The following RELN variants were observed in gnomAD, a reference collection of about 807,000 sequenced individuals.
RELN encodes the protein reelin.
Under a neutral mutation model 427.6 loss-of-function variants are expected in RELN, and 108 were observed. The observed-to-expected ratio is 0.25, with a 90% confidence interval of 0.22 to 0.30. The LOEUF is 0.30. Among genes scored for constraint, RELN ranks in the 10% least tolerant of loss-of-function variants. The pLI is 1.00. For missense variants in RELN, 3,715 were observed against 4,302.8 expected, an observed-to-expected ratio of 0.86 and a Z score of 3.82; for synonymous variants, 1,524 against 1,513.4, an observed-to-expected ratio of 1.01 and a Z score of -0.16.
At chr7:103,773,967 A>C (rs112842331) in intron 4 of RELN, among the ~76,000 whole-genome samples, 18 of 152,280 alleles carry the variant, frequency 1.2e-4, no homozygotes, top group African/African-American at 4.3e-4. Context: ...GAGCTAGGAC[A>C]GAGGTCTTGC....
At chr7:103,561,180 C>T (rs1830633386) in intron 36 of RELN, among the ~76,000 whole-genome samples, 1 of 151,896 alleles carries the variant, frequency 6.6e-6, no homozygotes, top group Non-Finnish European at 1.5e-5. Flanking sequence ...AATTAAAGAC[C>T]GTTCATAAAG....
intron 2 of RELN, among the ~76,000 whole-genome samples, chr7:103,913,348 C>G (rs1258681055): frequency 6.6e-6 from 1 of 152,180 alleles, no homozygotes; most frequent in African/African-American, 2.4e-5. Context: ...AAATGCTTTA[C>G]TCTGCCTTAT....
chr7:103,907,544 G>A (rs993472003), intron 2 of RELN, among the ~76,000 whole-genome samples: 1 of 151,800 alleles, frequency 6.6e-6, no homozygotes, highest in Non-Finnish European at 1.5e-5. Context: ...GTGGCCTAGG[G>A]GCTGAGGGGA....
In RELN at chr7:103,827,825, G is replaced by A. The variant is rs545923151; in HGVS notation, c.473+5712C>T. Among the ~76,000 whole-genome samples, 14 of 152,108 alleles carry A rather than the reference G, an allele frequency of 9.2e-5. No homozygotes were observed. The East Asian group carries it at 2.7e-3, about 29-fold the overall frequency. On this transcript the variant is annotated intron_variant, in intron 3 of 64. Coordinates refer to ENST00000428762, the MANE Select transcript of RELN (RefSeq NM_005045.4). ...CTAGACTGTCAGAAAAGAAAAAAAAGACGTGATTTAAAAGAAAGATGAAAT... is the reference window on the plus strand; with the variant it reads ...CTAGACTGTCAGAAAAGAAAAAAAAAACGTGATTTAAAAGAAAGATGAAAT...
intron 25 of RELN, among the ~76,000 whole-genome samples, chr7:103,596,122 C>A (rs1455809815): frequency 6.6e-6 from 1 of 152,134 alleles, no homozygotes; most frequent in Non-Finnish European, 1.5e-5. Context: ...TTTGTGTGTG[C>A]ATTAAAAATA....
At chr7:103,637,787 T>C (rs1036154064) in intron 17 of RELN, among the ~76,000 whole-genome samples, 3 of 152,194 alleles carry the variant, frequency 2.0e-5, no homozygotes, top group Non-Finnish European at 2.9e-5. Flanking sequence ...ATTGAACACA[T>C]TTTAAAGTCA....
chr7:103,778,781 C>G (rs1209666627), intron 3 of RELN, among the ~76,000 whole-genome samples: 1 of 152,146 alleles, frequency 6.6e-6, no homozygotes, highest in African/African-American at 2.4e-5. Context: ...CCTGAACGAA[C>G]CTTTAAGATC....
At chr7:103,505,079 T>C (rs531382253) in intron 51 of RELN, among the ~76,000 whole-genome samples, 5 of 152,318 alleles carry the variant, frequency 3.3e-5, no homozygotes, top group Admixed American at 6.5e-5. Context: ...CAGGGACTTA[T>C]AGATAAAACT....
chr7:103,604,444 G>A lies in RELN; in HGVS notation c.3048C>T (p.Tyr1016=). 1 of 1,613,856 alleles carries A rather than the reference G, an allele frequency of 6.2e-7. No individual in the cohort carries two copies. Among genetic ancestry groups the A allele is most frequent in the Non-Finnish European group, 8.5e-7 (1 of 1,179,776 alleles). Residue 1016 remains tyrosine, a synonymous_variant, in exon 23 of 65, where the codon TAC becomes TAT. Transcript: ENST00000428762. The part of the protein sequence containing the change: ...ATRFRWSQSY[Y]TAQDEWALDS... ...CCAAAGCCCACTCGTCTTGAGCTGT[G>A]TAATAGCTCTGGCTCCAGCGGAAAC...
At chr7:103,762,548 TAG>T (rs1440693820) in intron 4 of RELN, among the ~76,000 whole-genome samples, 2 of 152,198 alleles carry the variant, frequency 1.3e-5, no homozygotes, top group South Asian at 4.1e-4. Context: ...TTCCTGTGAG[TAG>T]AGAGACTCTA....
At chr7:103,566,820 T>C in intron 31 of RELN, 61 bp from the exon 32 acceptor site, 1 of 1,536,316 alleles carries the variant, frequency 6.5e-7, no homozygotes, top group South Asian at 1.1e-5. Context: ...AGGAACAGTA[T>C]TTCTTAAATG....
rs112524430 is a variant in RELN at position 103,842,427 on chromosome 7, T to C, written c.338-8755A>G. 1.6e-3 allele frequency among the ~76,000 whole-genome samples: 251 copies of C among 152,330 alleles called. 1 individual carries two copies. Among genetic ancestry groups the C allele is most frequent in the African/African-American group, 5.8e-3 (243 of 41,586 alleles). ...ACAGAATTTGGCTTGTCTATTATTTTCTTTCTTTCCTAGGTCAATGTACTC... is the reference window on the plus strand; with the variant it reads ...ACAGAATTTGGCTTGTCTATTATTTCCTTTCTTTCCTAGGTCAATGTACTC... On this transcript the variant is annotated intron_variant, in intron 2 of 64. Coordinates refer to ENST00000428762, the MANE Select transcript of RELN (RefSeq NM_005045.4).
In RELN at chr7:103,833,591, T is replaced by A; in HGVS notation, c.419A>T (p.Asn140Ile). 1 of 1,613,856 alleles carries A rather than the reference T, an allele frequency of 6.2e-7. No homozygotes were observed. ...TGGAGCAATCCAGATGAAACTGAGG[T>A]TGGTTGTGGGCAGGTGACTCACGTG... ...ASHVSHLPTTNLSFIWIAPPA... is the reference protein window; with the variant it reads ...ASHVSHLPTTILSFIWIAPPA... The change falls in exon 3 of 65, where the codon AAC becomes ATC. Residue 140 changes from asparagine to isoleucine, a missense_variant. Coordinates refer to ENST00000428762, the MANE Select transcript of RELN (RefSeq NM_005045.4).
chr7:103,848,668 G>A (rs1472255856), intron 2 of RELN, among the ~76,000 whole-genome samples: 2 of 152,086 alleles, frequency 1.3e-5, no homozygotes, highest in Non-Finnish European at 2.9e-5. Flanking sequence ...CTTCACCCCA[G>A]AAAGGAAGGA....
In RELN at chr7:103,708,464, C is replaced by CTTTTTTTTTTTTTTTTT. The variant is rs745955015; in HGVS notation, c.806-7475_806-7459dup. ...CACCCAAACACCAGTGGGTATGACT[C>CTTTTTTTTTTTTTTTTT]TTTTTTTTTTTTTTTTTGAGACGGA... On this transcript the variant is annotated intron_variant, in intron 8 of 64. Coordinates refer to ENST00000428762, the MANE Select transcript of RELN (RefSeq NM_005045.4). Among the ~76,000 whole-genome samples, 185 of 110,024 alleles carry CTTTTTTTTTTTTTTTTT rather than the reference C, an allele frequency of 1.7e-3. 23 individuals are homozygous for CTTTTTTTTTTTTTTTTT. The highest frequency in any genetic ancestry group is 7.0e-3 in the African/African-American group (159 of 22,590). The allele number at this position is 110,024 out of a possible 152,430, so 72.2% of individuals were successfully genotyped here. A position where few individuals can be genotyped will look rare whatever the true frequency, so the allele number is the denominator to read the frequency against.
At chr7:103,928,703 T>C (rs1379308717) in intron 1 of RELN, among the ~76,000 whole-genome samples, 2 of 152,218 alleles carry the variant, frequency 1.3e-5, no homozygotes, top group African/African-American at 2.4e-5. Context: ...AAGATGAGGA[T>C]GTAATGGAAC....
At chr7:103,931,870 C>G (rs775642484) in intron 1 of RELN, among the ~76,000 whole-genome samples, 43 of 152,122 alleles carry the variant, frequency 2.8e-4, no homozygotes, top group Non-Finnish European at 2.6e-4. Flanking sequence ...AACACCAGAA[C>G]AGATGCAAAA....
At chr7:103,899,978 TATTCAATTAGGA>T (rs1350331197) in intron 2 of RELN, among the ~76,000 whole-genome samples, 1 of 152,014 alleles carries the variant, frequency 6.6e-6, no homozygotes, top group Non-Finnish European at 1.5e-5. Context: ...AAATAAAGGG[TATTCAATTAGGA>T]AAAGAGGAAG....
chr7:103,903,123 C>T (rs947927405), intron 2 of RELN, among the ~76,000 whole-genome samples: 2 of 151,946 alleles, frequency 1.3e-5, no homozygotes, highest in Non-Finnish European at 2.9e-5. Context: ...AAAATGACTG[C>T]GAGGTCAGAG....
Sources: allele counts gnomAD v4.1 joint callset (sites outside exome capture counted in the v4.1 genomes callset), GRCh38; gene constraint gnomAD v4.1.1; transcripts MANE v1.5; gene names NCBI Gene and HGNC (gene_info 2026-07-23, HGNC 2026-07-21).